Variants in ZNF705A observed in about 807,000 individuals in gnomAD.
The protein encoded by ZNF705A is zinc finger protein 705A.
ZNF705A carries 8 observed loss-of-function variants against 16.6 expected under a neutral mutation model. That is an observed-to-expected ratio of 0.48 (90% confidence interval 0.28 to 0.87). ZNF705A has a LOEUF of 0.87. Among genes scored for constraint, ZNF705A ranks in the 40% least tolerant of loss-of-function variants. The pLI is 0.10. For missense variants in ZNF705A, 233 were observed against 359.9 expected (o/e 0.65, Z 2.85); for synonymous variants, 73 against 117.3 (o/e 0.62, Z 2.44).
At chr12:8,169,115 T>C (rs2120713811), upstream of ZNF705A, among the ~76,000 whole-genome samples, 1 of 152,372 alleles carries the variant, frequency 6.6e-6, no homozygotes, top group Non-Finnish European at 1.5e-5. Context: ...TTTTATTTTA[T>C]TGTATGTAAA....
exon 5 of ZNF705A, chr12:8,177,614 T>C: frequency 6.4e-7 from 1 of 1,557,024 alleles, no homozygotes; most frequent in South Asian, 1.1e-5. Flanking sequence ...AGAAAAGCCA[T>C]ATGAATGCCA....
upstream of ZNF705A, among the ~76,000 whole-genome samples, chr12:8,168,131 G>A (rs1178410702): frequency 6.6e-6 from 1 of 152,096 alleles, no homozygotes; most frequent in African/African-American, 2.4e-5. Flanking sequence ...ATTATGCTTT[G>A]CCATTTTTGT....
upstream of ZNF705A, among the ~76,000 whole-genome samples, chr12:8,170,519 C>T (rs74060110): frequency 0.047 from 6,897 of 146,094 alleles, 409 homozygotes; most frequent in African/African-American, 0.14. Flanking sequence ...TTGTCCCTGG[C>T]ACAGTCTGTA....
intron 1 of ZNF705A, among the ~76,000 whole-genome samples, chr12:8,165,354 C>CT: frequency 7.1e-6 from 1 of 141,652 alleles, no homozygotes; most frequent in African/African-American, 2.7e-5. Flanking sequence ...GTGATCTCGG[C>CT]TCACTGCAAG....
At chr12:8,177,392 A>G in exon 5 of ZNF705A, 1 of 1,612,080 alleles carries the variant, frequency 6.2e-7, no homozygotes, top group South Asian at 1.1e-5. Flanking sequence ...GAAAGCCTTT[A>G]TTCAATCCTT....
At position 8,157,085 on chromosome 12, in the gene ZNF705A, G is replaced by A. The variant is rs1160919861; in HGVS notation, c.-79G>A. ...CTGATCTACTTTGAAATGCAATTCC[G>A]CTTAAAGGTATAACTTTGCCATGAG... On this transcript the variant is annotated 5_prime_UTR_variant, in exon 1 of 6. Transcript: ENST00000396570. 2.3e-5 allele frequency: 9 copies of A among 397,846 alleles called. No homozygotes were observed. In the South Asian group the frequency reaches 3.8e-4, roughly 17 times the overall value. 24.6% of individuals were successfully genotyped at this position (397,846 alleles called of 1,614,324 possible).
Position 8,160,903 on chromosome 12 carries a change from C to T in ZNF705A, c.-72+3811C>T, listed in dbSNP as rs758382622. ...GAGAGTGTGCATCCTTGTCTTGTTC[C>T]AGTTCTCAGAGGGAATGCTTTCAAG... On this transcript the variant is annotated intron_variant, in intron 1 of 5. Coordinates refer to the ZNF705A transcript ENST00000396570. Among the ~76,000 whole-genome samples, 4 of 152,206 alleles carry T rather than the reference C, an allele frequency of 2.6e-5. No individual in the cohort carries two copies. In the East Asian group the frequency reaches 5.8e-4, roughly 22 times the overall value.
intron 1 of ZNF705A, among the ~76,000 whole-genome samples, chr12:8,163,262 A>G (rs1344013539): frequency 6.6e-6 from 1 of 152,222 alleles, no homozygotes; most frequent in South Asian, 2.1e-4. Context: ...CAGAAAATCA[A>G]CTGGGAGGGT....
chr12:8,175,787 T>C, intron 3 of ZNF705A, 73 bp from the exon 5 acceptor site: 1 of 1,603,222 alleles, frequency 6.2e-7, no homozygotes, highest in Non-Finnish European at 8.5e-7. Context: ...AAAAAGTAAA[T>C]GGGCCTTGGG....
At chr12:8,165,705 T>C (rs924081052) in intron 1 of ZNF705A, among the ~76,000 whole-genome samples, 1 of 152,062 alleles carries the variant, frequency 6.6e-6, no homozygotes, top group African/African-American at 2.4e-5. Flanking sequence ...GTCCCCAGTA[T>C]CTGTTGTTCC....
At chr12:8,170,558 G>T (rs1363862390), upstream of ZNF705A, among the ~76,000 whole-genome samples, 1 of 151,984 alleles carries the variant, frequency 6.6e-6, no homozygotes, top group Non-Finnish European at 1.5e-5. Context: ...TTTCATTCAT[G>T]TTTGGGTTAT....
chr12:8,170,505 C>T (rs1223596248), upstream of ZNF705A, among the ~76,000 whole-genome samples: 3 of 150,900 alleles, frequency 2.0e-5, no homozygotes, highest in East Asian at 5.8e-4. Context: ...ATATTTGTCC[C>T]TTTTTGTCCC....
intron 1 of ZNF705A, among the ~76,000 whole-genome samples, chr12:8,163,436 A>C (rs1192077093): frequency 6.6e-6 from 1 of 152,194 alleles, no homozygotes; most frequent in Non-Finnish European, 1.5e-5. Context: ...AGAATCTTTA[A>C]ATAGAGTAAC....
At chr12:8,175,939 A>G (rs1388581664) in exon 4 of ZNF705A, 5 of 1,611,504 alleles carry the variant, frequency 3.1e-6, no homozygotes, top group Non-Finnish European at 3.4e-6. Context: ...CCAGTATGAC[A>G]ATGGTAAGTT....
At chr12:8,157,645 A>T (rs1948320383) in intron 1 of ZNF705A, among the ~76,000 whole-genome samples, 1 of 152,194 alleles carries the variant, frequency 6.6e-6, no homozygotes, top group Non-Finnish European at 1.5e-5. Context: ...TATAGGGAGA[A>T]GAGAAAATGG....
At chr12:8,179,825 C>T (rs1367342745) in exon 5 of ZNF705A, 2 of 152,132 alleles carry the variant, frequency 1.3e-5, no homozygotes, top group Non-Finnish European at 2.9e-5. Flanking sequence ...TATATGTACT[C>T]CTGAGCCACA....
chr12:8,159,415 A>C (rs958268930), intron 1 of ZNF705A, among the ~76,000 whole-genome samples: 3 of 152,092 alleles, frequency 2.0e-5, no homozygotes, highest in Admixed American at 6.6e-5. Context: ...GTGACTGTAC[A>C]TTCCCACCAG....
At chr12:8,165,278 A>ATTTTTT (rs36022408) in intron 1 of ZNF705A, among the ~76,000 whole-genome samples, 24 of 94,486 alleles carry the variant, frequency 2.5e-4, no homozygotes, top group African/African-American at 9.1e-4. Context: ...ATCTTTGCCC[A>ATTTTTT]TTTTTTTTTT....
intron 3 of ZNF705A, among the ~76,000 whole-genome samples, 170 bp from the exon 5 acceptor site, chr12:8,175,690 A>C (rs1741061465): frequency 6.6e-6 from 1 of 152,162 alleles, no homozygotes; most frequent in South Asian, 2.1e-4. Flanking sequence ...AATCTTTTCT[A>C]ATTGCCGACA....
Sources: allele counts gnomAD v4.1 joint callset (sites outside exome capture counted in the v4.1 genomes callset), GRCh38; gene constraint gnomAD v4.1.1; transcripts MANE v1.5; gene names NCBI Gene and HGNC (gene_info 2026-07-23, HGNC 2026-07-21).